The following RALGPS1 variants were observed in gnomAD, a reference collection of about 807,000 sequenced individuals.
The protein encoded by RALGPS1 is ras-specific guanine nucleotide-releasing factor RalGPS1.
A neutral mutation model predicts 78.8 loss-of-function variants in RALGPS1; 19 were observed. The ratio of observed to expected loss-of-function variants is 0.24; its 90% CI spans 0.17 to 0.35. RALGPS1 has a LOEUF of 0.35. Ranked by LOEUF, RALGPS1 falls within the 10% of genes least tolerant of loss-of-function variation. The pLI, the probability that RALGPS1 is intolerant of heterozygous loss-of-function variation, is 1.00. For synonymous variants in RALGPS1, 228 were observed against 256.3 expected, an observed-to-expected ratio of 0.89 and a Z score of 1.06; for missense variants, 454 against 688.3, an observed-to-expected ratio of 0.66 and a Z score of 3.81.
At chr9:127,144,146 GC>G (rs1318826436) in intron 8 of RALGPS1, among the ~76,000 whole-genome samples, 3 of 152,182 alleles carry the variant, frequency 2.0e-5, no homozygotes, top group African/African-American at 7.2e-5. Context: ...TGAAAGCTTA[GC>G]CCTGAGGCCT....
chr9:127,087,000 A>G (rs942539693), intron 8 of RALGPS1, among the ~76,000 whole-genome samples: 6 of 152,330 alleles, frequency 3.9e-5, no homozygotes, highest in Non-Finnish European at 7.3e-5. Flanking sequence ...GATCTGAGCA[A>G]TTGAGTACCT....
intron 1 of RALGPS1, among the ~76,000 whole-genome samples, chr9:126,949,472 CTGT>C (rs1278935444): frequency 1.3e-5 from 2 of 152,094 alleles, no homozygotes; most frequent in Non-Finnish European, 2.9e-5. Flanking sequence ...TCTCCAGCAC[CTGT>C]TGTTTCCTGA....
intron 10 of RALGPS1, among the ~76,000 whole-genome samples, chr9:127,169,860 C>A (rs1564710057): frequency 6.6e-6 from 1 of 152,116 alleles, no homozygotes; most frequent in African/African-American, 2.4e-5. Context: ...GTGTTCTGGG[C>A]ACATTTAAGG....
intron 8 of RALGPS1, among the ~76,000 whole-genome samples, chr9:127,120,482 T>TG (rs886421387): frequency 1.2e-4 from 18 of 152,192 alleles, no homozygotes; most frequent in African/African-American, 4.1e-4. Flanking sequence ...CTCTGTCTCG[T>TG]GGGATTTTCT....
Position 127,168,689 on chromosome 9 carries a change from C to T in RALGPS1, c.759C>T (p.Thr253=). The T allele has an allele frequency of 6.2e-7, 1 of 1,612,878 alleles. No homozygotes were observed. The highest frequency in any genetic ancestry group is 8.5e-7 in the Non-Finnish European group (1 of 1,178,820). The change falls in exon 10 of 19, where the codon ACC becomes ACT. Residue 253 remains threonine (T), a synonymous_variant. Coordinates refer to ENST00000259351, the MANE Select transcript of RALGPS1 (RefSeq NM_014636.3). The part of the protein sequence containing the change: ...LQVSCSYDHL[T]TLPHVQKYLK... ...GTCCACCTTTTGCAGATCACCTCACCACCCTGCCCCATGTGCAGAAGTACC... is the reference window on the plus strand; with the variant it reads ...GTCCACCTTTTGCAGATCACCTCACTACCCTGCCCCATGTGCAGAAGTACC...
chr9:127,123,840 G>C (rs1025390318), intron 8 of RALGPS1, among the ~76,000 whole-genome samples: 7 of 152,274 alleles, frequency 4.6e-5, no homozygotes, highest in African/African-American at 1.7e-4. Flanking sequence ...AGAGTAGGAG[G>C]ATGGCAGGCA....
At chr9:127,194,174 C>T (rs2140501320) in intron 11 of RALGPS1, among the ~76,000 whole-genome samples, 1 of 152,376 alleles carries the variant, frequency 6.6e-6, no homozygotes, top group African/African-American at 2.4e-5. Flanking sequence ...TACATTACCT[C>T]ATGGACTTCT....
At chr9:126,933,045 G>A (rs952241741) in intron 1 of RALGPS1, among the ~76,000 whole-genome samples, 8 of 152,166 alleles carry the variant, frequency 5.3e-5, no homozygotes, top group African/African-American at 1.9e-4. Flanking sequence ...TGAAGCTGGC[G>A]AGGGGGCAGG....
chr9:126,946,787 T>A (rs1356074369), intron 1 of RALGPS1, among the ~76,000 whole-genome samples: 3 of 152,068 alleles, frequency 2.0e-5, no homozygotes, highest in Non-Finnish European at 4.4e-5. Flanking sequence ...GATGTTCCCT[T>A]TAAGCCCACC....
At chr9:127,004,143 CCCTTTT>C in intron 4 of RALGPS1, among the ~76,000 whole-genome samples, 1 of 152,112 alleles carries the variant, frequency 6.6e-6, no homozygotes, top group Non-Finnish European at 1.5e-5. Context: ...CCTTCCCTTT[CCCTTTT>C]CCTTTCCTTT....
intron 8 of RALGPS1, among the ~76,000 whole-genome samples, chr9:127,134,006 T>TCCC (rs111468329): frequency 3.4e-4 from 49 of 145,544 alleles, no homozygotes; most frequent in African/African-American, 9.3e-4. Context: ...TTGTCCTCGC[T>TCCC]CCCCCCCCCG....
chr9:127,171,349 T>C (rs1315556085), intron 10 of RALGPS1, among the ~76,000 whole-genome samples: 1 of 147,988 alleles, frequency 6.8e-6, no homozygotes, highest in African/African-American at 2.5e-5. Flanking sequence ...TAACTTTAAT[T>C]TCATTTTAAT....
Position 127,212,800 on chromosome 9 carries a change from G to A in RALGPS1, c.1446+81G>A. On this transcript the variant is annotated intron_variant, in intron 16 of 18. Transcript: ENST00000259351. The surrounding 1 kb of genome is among the most constrained non-coding windows in gnomAD (Gnocchi z 6.0). ...TCTGTGAACTGTGGAGGATGGGGGT[G>A]GGAAAGGGATCTGTGTGAACTGCGG... 2 of 1,527,676 alleles carry A rather than the reference G, an allele frequency of 1.3e-6. No homozygotes were observed. The highest frequency in any genetic ancestry group is 1.7e-4 in the Middle Eastern group (1 of 5,878). The allele number at this position is 1,527,676 out of a possible 1,614,324, so 94.6% of individuals were successfully genotyped here.
chr9:127,113,431 A>T (rs1395504370), intron 8 of RALGPS1, among the ~76,000 whole-genome samples: 1 of 147,262 alleles, frequency 6.8e-6, no homozygotes, highest in Non-Finnish European at 1.5e-5. Flanking sequence ...CTTAATGGGC[A>T]GTAATAAGTT....
At chr9:127,117,618 G>GC (rs777322501) in intron 8 of RALGPS1, among the ~76,000 whole-genome samples, 34 of 152,354 alleles carry the variant, frequency 2.2e-4, no homozygotes, top group Admixed American at 7.8e-4. Flanking sequence ...AAAAGCCCTT[G>GC]GCTGGACAAC....
At position 127,218,596 on chromosome 9, in the gene RALGPS1, A is replaced by T. The variant is rs759636822; in HGVS notation, c.1645-144A>T. The T allele has an allele frequency of 1.2e-4, 100 of 814,886 alleles. 1 individual carries two copies. Among genetic ancestry groups the T allele is most frequent in the Non-Finnish European group, 1.1e-4 (53 of 466,064 alleles). 50.5% of individuals were successfully genotyped at this position (814,886 alleles called of 1,614,324 possible). A position where few individuals can be genotyped will look rare whatever the true frequency, so the allele number is the denominator to read the frequency against. ...AGCTGCCACTTCACATGGGGTGGCT[A>T]TTGTTATTGCCATACCCTCTCCCTA... On this transcript the variant is annotated intron_variant, in intron 18 of 18. Transcript: ENST00000259351. The surrounding 1 kb of genome is among the most constrained non-coding windows in gnomAD (Gnocchi z 4.4).
intron 8 of RALGPS1, among the ~76,000 whole-genome samples, chr9:127,161,293 T>A (rs2059003545): frequency 6.6e-6 from 1 of 152,166 alleles, no homozygotes; most frequent in African/African-American, 2.4e-5. Flanking sequence ...AGCCGTAAGG[T>A]CAGCTCAGCT....
intron 4 of RALGPS1, among the ~76,000 whole-genome samples, chr9:127,034,089 GTTAAAA>G (rs1317124327): frequency 3.9e-5 from 6 of 152,202 alleles, no homozygotes; most frequent in African/African-American, 7.2e-5. Context: ...AGTTCTGCTG[GTTAAAA>G]CATTTCTGTG....
At chr9:127,026,614 C>CT (rs2045983278) in intron 4 of RALGPS1, among the ~76,000 whole-genome samples, 1 of 152,026 alleles carries the variant, frequency 6.6e-6, no homozygotes, top group Non-Finnish European at 1.5e-5. Flanking sequence ...GGGGTTTTTT[C>CT]TAAGTTTTTG....
Sources: allele counts gnomAD v4.1 joint callset (sites outside exome capture counted in the v4.1 genomes callset), GRCh38; gene constraint gnomAD v4.1.1; non-coding constraint Gnocchi (gnomAD v3.1); transcripts MANE v1.5; gene names NCBI Gene and HGNC (gene_info 2026-07-23, HGNC 2026-07-21).